The following TASOR variants were observed in gnomAD, a reference collection of about 807,000 sequenced individuals.
TASOR encodes the protein transcription activation suppressor, also known as protein TASOR.
TASOR carries 53 observed loss-of-function variants against 178.6 expected under a neutral mutation model. That is an observed-to-expected ratio of 0.30 (90% CI 0.24 to 0.37). The LOEUF (loss-of-function observed/expected upper bound fraction) is 0.37, where lower values mean the gene tolerates loss of function less well. TASOR is among the 10% of genes least tolerant of loss of function. The pLI is 1.00. For synonymous variants in TASOR, 713 were observed against 696.2 expected, an observed-to-expected ratio of 1.02 and a Z score of -0.38; for missense variants, 1,815 against 1,971.4, an observed-to-expected ratio of 0.92 and a Z score of 1.50.
At chr3:56,636,525 C>T (rs1339307213) in intron 17 of TASOR, among the ~76,000 whole-genome samples, 1 of 151,552 alleles carries the variant, frequency 6.6e-6, no homozygotes, top group East Asian at 2.0e-4. Flanking sequence ...CTGCCTCAGC[C>T]TCCCGAGTAG....
At chr3:56,658,167 C>T (rs893058659) in intron 11 of TASOR, among the ~76,000 whole-genome samples, 6 of 152,166 alleles carry the variant, frequency 3.9e-5, no homozygotes, top group Non-Finnish European at 7.4e-5. Context: ...TGCTGGAAAA[C>T]GGATAGCTAC....
At position 56,681,589 on chromosome 3, in the gene TASOR, C is replaced by T. The variant is rs77855873; in HGVS notation, c.331+1087G>A. ...ATGGAAAGTCAGTATAATGCTACAGCCAAGACTCTGTACCAGATGGATGGA... is the reference window on the plus strand; with the variant it reads ...ATGGAAAGTCAGTATAATGCTACAGTCAAGACTCTGTACCAGATGGATGGA... On this transcript the variant is annotated intron_variant, in intron 1 of 23. Transcript: ENST00000683822. 6.6e-3 allele frequency among the ~76,000 whole-genome samples: 1,009 copies of T among 152,232 alleles called. 8 individuals carry two copies. Among genetic ancestry groups the T allele is most frequent in the African/African-American group, 0.021 (864 of 41,530 alleles).
chr3:56,633,749 G>A lies in TASOR; in HGVS notation c.3042C>T (p.Ser1014=), dbSNP rs757967813. 7.4e-6 allele frequency: 12 copies of A among 1,613,760 alleles called. No homozygotes were observed. The highest frequency in any genetic ancestry group is 3.3e-5 in the Admixed American group (2 of 60,000). The change falls in exon 18 of 24, where the codon AGC becomes AGT. Residue 1014 remains serine (S), a synonymous_variant. Transcript: ENST00000683822. ...PAAEAEPPAV[S]ETTERTVLGE... The stretch of plus-strand genomic sequence containing the variant: ...CTAACACTGTCCTCTCTGTGGTTTC[G>A]CTCACTGCAGGCGGCTCTGCCTCTG...
chr3:56,648,203 T>A (rs2077275929), intron 13 of TASOR, among the ~76,000 whole-genome samples: 1 of 151,722 alleles, frequency 6.6e-6, no homozygotes, highest in Non-Finnish European at 1.5e-5. Context: ...TGAGACTCTA[T>A]CTCCAACAGA....
At chr3:56,651,728 GCTACA>G (rs1169124385) in intron 11 of TASOR, among the ~76,000 whole-genome samples, 1 of 146,924 alleles carries the variant, frequency 6.8e-6, no homozygotes, top group African/African-American at 2.5e-5. Flanking sequence ...AAGGAAATAA[GCTACA>G]CTAAAGTGAG....
In TASOR at chr3:56,683,074, G is replaced by T; in HGVS notation, c.-68C>A. 7.0e-7 allele frequency: 1 copy of T among 1,422,604 alleles called. No individual in the cohort carries two copies. The highest frequency in any genetic ancestry group is 9.2e-7 in the Non-Finnish European group (1 of 1,081,670). 88.1% of individuals were successfully genotyped at this position (1,422,604 alleles called of 1,614,324 possible). A position where few individuals can be genotyped will look rare whatever the true frequency, so the allele number is the denominator to read the frequency against. On this transcript the variant is annotated 5_prime_UTR_variant, in exon 1 of 24. Transcript: ENST00000683822. Reference sequence around the variant, plus strand: ...TCGACGGGTGTGGGGGGAAGGGGCGGCGGGCCAGTCTCGCCGCCGAGCTGC... The same window carrying T: ...TCGACGGGTGTGGGGGGAAGGGGCGTCGGGCCAGTCTCGCCGCCGAGCTGC...
intron 11 of TASOR, among the ~76,000 whole-genome samples, chr3:56,652,572 A>AT (rs1214408224): frequency 8.8e-5 from 13 of 147,294 alleles, no homozygotes; most frequent in African/African-American, 3.3e-4. Flanking sequence ...AAAAAAAAAA[A>AT]TGGCTAAAAT....
At position 56,649,010 on chromosome 3, in the gene TASOR, G is replaced by A. The variant is rs1170172400; in HGVS notation, c.1416C>T (p.Ser472=). The stretch of plus-strand genomic sequence containing the variant: ...CATATGGAGGAACCATCTGATAAGG[G>A]GAGAGAAGAAAAAGGTATCCTCGGT... The part of the protein sequence containing the change: ...LGDRGYLFLL[S]PYQMVPPYEY... The change falls in exon 12 of 24, where the codon TCC becomes TCT. Residue 472 remains serine (S), a synonymous_variant. Transcript: ENST00000683822. 4 of 1,608,532 alleles carry A rather than the reference G, an allele frequency of 2.5e-6. No homozygotes were observed. The highest frequency in any genetic ancestry group is 2.2e-5 in the East Asian group (1 of 44,786).
chr3:56,665,220 C>T (rs2077682018), intron 7 of TASOR, among the ~76,000 whole-genome samples: 1 of 152,102 alleles, frequency 6.6e-6, no homozygotes, highest in African/African-American at 2.4e-5. Context: ...ATCAGAATCA[C>T]CTGGAAGCTT....
chr3:56,664,604 T>C (rs1453933913), intron 7 of TASOR, among the ~76,000 whole-genome samples: 1 of 152,232 alleles, frequency 6.6e-6, no homozygotes, highest in Non-Finnish European at 1.5e-5. Flanking sequence ...AATGTACATA[T>C]ATGTTTCATG....
rs778088343 is a variant in TASOR, at chr3:56,633,396, T to C, written c.3395A>G (p.His1132Arg). 11 of 1,614,030 alleles carry C rather than the reference T, an allele frequency of 6.8e-6. No homozygotes were observed. Among genetic ancestry groups the C allele is most frequent in the Non-Finnish European group, 9.3e-6 (11 of 1,180,016 alleles). Residue 1132 changes from histidine (H) to arginine (R), a missense_variant, in exon 18 of 24, where the codon CAT (histidine) becomes CGT (arginine). Around this residue, in one of 5 missense-constraint regions of TASOR, gnomAD observed 655 missense variants for 671.1 expected, o/e 0.98. Transcript: ENST00000683822. ...PVSSSDFNNK[H>R]LLEPLCSDPL... ...ATCACTACACAGTGGCTCAAGGAGA[T>C]GTTTATTGTTGAAGTCACTTGAGGA...
Position 56,622,981 on chromosome 3 carries a change from A to C in TASOR, c.*56T>G. On this transcript the variant is annotated 3_prime_UTR_variant, in exon 24 of 24. Coordinates refer to ENST00000683822, the MANE Select transcript of TASOR (RefSeq NM_001365635.2). ...GAACCTTTTGTTTAGAGAATGAAATATAAATTGTTAATAAACAAAGTCCAC... is the reference window on the plus strand; with the variant it reads ...GAACCTTTTGTTTAGAGAATGAAATCTAAATTGTTAATAAACAAAGTCCAC... 1 of 1,177,036 alleles carries C rather than the reference A, an allele frequency of 8.5e-7. No homozygotes were observed. The highest frequency in any genetic ancestry group is 2.7e-5 in the Admixed American group (1 of 37,708). The allele number at this position is 1,177,036 out of a possible 1,614,324, so 72.9% of individuals were successfully genotyped here. A position where few individuals can be genotyped will look rare whatever the true frequency, so the allele number is the denominator to read the frequency against.
chr3:56,663,415 C>T, intron 8 of TASOR, 126 bp downstream of exon 8: 1 of 487,844 alleles, frequency 2.0e-6, no homozygotes, highest in Non-Finnish European at 3.1e-6. Flanking sequence ...TGCGCTGATG[C>T]TACATTATAA....
Position 56,634,288 on chromosome 3 carries a change from C to T in TASOR, c.2825-322G>A, listed in dbSNP as rs543644830. On this transcript the variant is annotated intron_variant, in intron 17 of 23. Transcript: ENST00000683822. ...ATTCTGTAGATCTAAGTTTAATACA[C>T]ATTTTAAATCAAGACAGTCAATTAC... Among the ~76,000 whole-genome samples the T allele has an allele frequency of 2.6e-5, 4 of 152,324 alleles. No individual in the cohort carries two copies. The South Asian group carries it at 8.3e-4, about 32-fold the overall frequency.
At chr3:56,660,662 A>G in intron 11 of TASOR, 69 bp downstream of exon 11, 2 of 1,204,466 alleles carry the variant, frequency 1.7e-6, no homozygotes, top group Non-Finnish European at 2.4e-6. Context: ...CTGAAACACT[A>G]ATATGATCAC....
rs1488873228 is a variant in TASOR, at chr3:56,628,500, T to G, written c.3862A>C (p.Ile1288Leu). The change falls in exon 19 of 24, where the codon ATT becomes CTT. Residue 1288 changes from isoleucine to leucine, a missense_variant. By Grantham distance (5) the Ile-to-Leu change is conservative. Transcript: ENST00000683822. ...TTGACTTAATAGTCTACCTTGTGAATGAAACCTGCAATGTCTTCATTTTGA... is the reference window on the plus strand; with the variant it reads ...TTGACTTAATAGTCTACCTTGTGAAGGAAACCTGCAATGTCTTCATTTTGA... ...IIQNEDIAGFIHKIPGLVTLK... is the reference protein window; with the variant it reads ...IIQNEDIAGFLHKIPGLVTLK... 1.2e-6 allele frequency: 2 copies of G among 1,600,654 alleles called. No homozygotes were observed. The highest frequency in any genetic ancestry group is 1.7e-6 in the Non-Finnish European group (2 of 1,174,932).
chr3:56,666,491 C>CA, intron 6 of TASOR, 107 bp from the exon 7 acceptor site: 6 of 765,744 alleles, frequency 7.8e-6, no homozygotes, highest in East Asian at 6.3e-5. Flanking sequence ...GCACTTCTGA[C>CA]AAAAAATGTC....
At chr3:56,676,373 A>T (rs2031298103) in intron 1 of TASOR, among the ~76,000 whole-genome samples, 1 of 152,256 alleles carries the variant, frequency 6.6e-6, no homozygotes, top group South Asian at 2.1e-4. Flanking sequence ...AGCTCAGAAA[A>T]GAGGGTAGAA....
chr3:56,637,851 T>G lies in TASOR; in HGVS notation c.2824+855A>C, dbSNP rs143617665. ...ATGCCTATGACCATCTGCAGAGAAG[T>G]TGAATCCACCAAGATCAGACAAAGA... is the stretch of plus-strand genomic sequence containing the variant. On this transcript the variant is annotated intron_variant, in intron 17 of 23. Transcript: ENST00000683822. 5.2e-4 allele frequency among the ~76,000 whole-genome samples: 79 copies of G among 152,182 alleles called. 1 individual carries two copies. The Middle Eastern group carries it at 0.014, about 26-fold the overall frequency.
Sources: gnomAD v4.1 joint callset for allele counts (sites outside exome capture counted in the v4.1 genomes callset) on GRCh38, gnomAD v4.1.1 for gene constraint, gnomAD v4.1.1 regional missense constraint, MANE v1.5 for transcripts, NCBI Gene and HGNC (gene_info 2026-07-23, HGNC 2026-07-21) for gene names.